Variants in NDUFAF2 observed in about 807,000 individuals in gnomAD.
The protein encoded by NDUFAF2 is NADH dehydrogenase [ubiquinone] 1 alpha subcomplex assembly factor 2.
NDUFAF2 carries 13 observed loss-of-function variants against 22.8 expected under a neutral mutation model. The observed-to-expected ratio is 0.57, with a 90% confidence interval of 0.37 to 0.91. The LOEUF (loss-of-function observed/expected upper bound fraction) is 0.91. NDUFAF2 is among the 40% of genes least tolerant of loss of function. The pLI, the probability that NDUFAF2 is intolerant of heterozygous loss-of-function variation, is 0.01. For missense variants in NDUFAF2, 162 were observed against 195.2 expected (o/e 0.83, Z 1.01); for synonymous variants, 53 against 64.2 (o/e 0.83, Z 0.84).
At chr5:61,034,424 A>G (rs182780939) in intron 1 of NDUFAF2, among the ~76,000 whole-genome samples, 76 of 152,330 alleles carry the variant, frequency 5.0e-4, no homozygotes, top group Non-Finnish European at 4.6e-4. Context: ...TGCTGTAGGC[A>G]CTTGTAACAC....
At chr5:61,056,069 A>C (rs1752083846) in intron 1 of NDUFAF2, among the ~76,000 whole-genome samples, 1 of 152,258 alleles carries the variant, frequency 6.6e-6, no homozygotes, top group Non-Finnish European at 1.5e-5. Flanking sequence ...CATGATCTTC[A>C]GAACCTGGAA....
intron 1 of NDUFAF2, among the ~76,000 whole-genome samples, chr5:61,029,460 G>A (rs542993096): frequency 1.2e-4 from 19 of 152,168 alleles, no homozygotes; most frequent in African/African-American, 4.6e-4. Flanking sequence ...TCCATTTGGG[G>A]TTTAAGCAAA....
intron 1 of NDUFAF2, among the ~76,000 whole-genome samples, chr5:61,011,873 T>C (rs1751446982): frequency 6.6e-6 from 1 of 151,840 alleles, no homozygotes; most frequent in African/African-American, 2.4e-5. Context: ...GTATGTTCTC[T>C]TTTTTAAAAA....
At chr5:60,959,085 A>T (rs1047562410) in intron 1 of NDUFAF2, among the ~76,000 whole-genome samples, 15 of 152,258 alleles carry the variant, frequency 9.9e-5, no homozygotes, top group African/African-American at 3.6e-4. Context: ...ACTAAAAATT[A>T]TAATGAATTA....
chr5:60,958,913 G>T (rs1750650852), intron 1 of NDUFAF2, among the ~76,000 whole-genome samples: 1 of 152,016 alleles, frequency 6.6e-6, no homozygotes, highest in Admixed American at 6.6e-5. Context: ...TTTAGTCAGT[G>T]TCCTAAATAT....
In NDUFAF2 at chr5:61,152,756, ATTT is replaced by A. The variant is rs775356018; in HGVS notation, c.314_316del (p.Phe105del). The A allele has an allele frequency of 2.5e-6, 4 of 1,587,984 alleles. No individual in the cohort carries two copies. The African/African-American group carries it at 5.5e-5, about 22-fold the overall frequency. On this transcript the variant is annotated inframe_deletion, in exon 4 of 4. Transcript: ENST00000296597. ...GAAGAAATCAAAATAAAAAGCCAAGATTTTTATGAAAAAGAAAAACTCCTTAGT... is the reference window on the plus strand; with the variant it reads ...GAAGAAATCAAAATAAAAAGCCAAGATTATGAAAAAGAAAAACTCCTTAGT...
chr5:60,995,532 CCT>C (rs1297117147), intron 1 of NDUFAF2, among the ~76,000 whole-genome samples: 1 of 152,136 alleles, frequency 6.6e-6, no homozygotes, highest in African/African-American at 2.4e-5. Flanking sequence ...ACATACAGAA[CCT>C]CTCTGTCTCT....
chr5:61,057,343 A>G (rs761073685), intron 1 of NDUFAF2, among the ~76,000 whole-genome samples: 9 of 152,212 alleles, frequency 5.9e-5, no homozygotes, highest in Non-Finnish European at 1.0e-4. Context: ...GGAAAATGCT[A>G]CATTGTCTTA....
rs1274167577 is a variant in NDUFAF2 at position 60,993,081 on chromosome 5, A to G, written c.127+47699A>G. 2.0e-5 allele frequency among the ~76,000 whole-genome samples: 3 copies of G among 152,214 alleles called. No homozygotes were observed. In the East Asian group the frequency reaches 5.8e-4, roughly 29 times the overall value. On this transcript the variant is annotated intron_variant, in intron 1 of 3. Transcript: ENST00000296597. ...AGGGTGAACCAGACATGGAGCGGCA[A>G]GAGGTATGTGAGCTAGTGAGTGTGA...
chr5:61,099,591 AC>A (rs1398284054), intron 3 of NDUFAF2, among the ~76,000 whole-genome samples: 15 of 151,694 alleles, frequency 9.9e-5, no homozygotes, highest in African/African-American at 3.4e-4. Flanking sequence ...CAATAAAAAA[AC>A]ATAGAAATGC....
chr5:61,073,251 A>T, intron 2 of NDUFAF2, 37 bp downstream of exon 2: 1 of 1,415,632 alleles, frequency 7.1e-7, no homozygotes, highest in Middle Eastern at 1.8e-4. Context: ...CATGGGAGGT[A>T]AGTTATATAA....
At chr5:60,949,705 C>G (rs542859271) in intron 1 of NDUFAF2, among the ~76,000 whole-genome samples, 4 of 152,114 alleles carry the variant, frequency 2.6e-5, no homozygotes, top group African/African-American at 9.7e-5. Context: ...GATTTAATGT[C>G]GAAATCAGTT....
At chr5:61,140,916 A>C (rs944692269) in intron 3 of NDUFAF2, among the ~76,000 whole-genome samples, 2 of 152,188 alleles carry the variant, frequency 1.3e-5, no homozygotes. Context: ...CTAACCCTCC[A>C]GTCCACTCTG....
At position 61,152,693 on chromosome 5, in the gene NDUFAF2, T is replaced by C; in HGVS notation, c.259-11T>C. The C allele has an allele frequency of 6.7e-7, 1 of 1,503,754 alleles. No homozygotes were observed. The highest frequency in any genetic ancestry group is 8.9e-7 in the Non-Finnish European group (1 of 1,121,140). The allele number at this position is 1,503,754 out of a possible 1,614,324, so 93.2% of individuals were successfully genotyped here. ...AATTTAATAATTTCTTCCATTTATA[T>C]ATACATGCAGGAAATACTAAAGAAT... On this transcript the variant is annotated splice_polypyrimidine_tract_variant and intron_variant, in intron 3 of 3. Coordinates refer to ENST00000296597, the MANE Select transcript of NDUFAF2 (RefSeq NM_174889.5).
chr5:61,109,535 A>G (rs1321042434), intron 3 of NDUFAF2, among the ~76,000 whole-genome samples: 1 of 152,190 alleles, frequency 6.6e-6, no homozygotes, highest in Non-Finnish European at 1.5e-5. Context: ...TTTAGATCTT[A>G]GAAGAAAGGC....
chr5:61,041,497 T>C (rs1751882105), intron 1 of NDUFAF2, among the ~76,000 whole-genome samples: 1 of 152,132 alleles, frequency 6.6e-6, no homozygotes, highest in African/African-American at 2.4e-5. Context: ...AGAGACTTAG[T>C]CTTAGAGAGA....
chr5:61,036,600 G>A (rs1277392297), intron 1 of NDUFAF2, among the ~76,000 whole-genome samples: 1 of 152,200 alleles, frequency 6.6e-6, no homozygotes, highest in Non-Finnish European at 1.5e-5. Flanking sequence ...ATGTAAAGGT[G>A]TGGGCTGGGC....
intron 1 of NDUFAF2, among the ~76,000 whole-genome samples, chr5:61,007,353 G>C (rs111874609): frequency 0.4 from 60,435 of 151,626 alleles, 12,935 homozygotes; most frequent in East Asian, 0.8. Flanking sequence ...AGTTTTCCCA[G>C]CACCATTTAT....
At chr5:61,085,087 A>C (rs1219691879) in intron 2 of NDUFAF2, among the ~76,000 whole-genome samples, 1 of 152,172 alleles carries the variant, frequency 6.6e-6, no homozygotes, top group Non-Finnish European at 1.5e-5. Flanking sequence ...TATCAACCTG[A>C]CAGAAACAAT....
Sources: allele counts gnomAD v4.1 joint callset (sites outside exome capture counted in the v4.1 genomes callset), GRCh38; gene constraint gnomAD v4.1.1; transcripts MANE v1.5; gene names NCBI Gene and HGNC (gene_info 2026-07-23, HGNC 2026-07-21).